RBFOX1: variants seen among roughly 807,000 people sequenced by gnomAD.
The protein encoded by RBFOX1 is RNA binding fox-1 homolog 1, also known as RNA binding protein fox-1 homolog 1.
A neutral mutation model predicts 57.7 loss-of-function variants in RBFOX1; 8 were observed. The ratio of observed to expected loss-of-function variants is 0.14; its 90% CI spans 0.08 to 0.25. The LOEUF (loss-of-function observed/expected upper bound fraction) is 0.25. Among genes scored for constraint, RBFOX1 ranks in the 10% least tolerant of loss-of-function variants. RBFOX1 has a pLI of 1.00. For synonymous variants in RBFOX1, 326 were observed against 222.4 expected, an observed-to-expected ratio of 1.47 and a Z score of -4.15; for missense variants, 611 against 548.5, an observed-to-expected ratio of 1.11 and a Z score of -1.14.
intron 1 of RBFOX1, among the ~76,000 whole-genome samples, chr16:6,139,646 C>T (rs1372535775): frequency 2.0e-5 from 3 of 152,220 alleles, no homozygotes; most frequent in African/African-American, 7.2e-5. Flanking sequence ...CTCCTCTCCT[C>T]TGTGATTGTC....
chr16:7,294,865 T>C (rs1176847842), intron 4 of RBFOX1, among the ~76,000 whole-genome samples: 1 of 152,180 alleles, frequency 6.6e-6, no homozygotes, highest in Non-Finnish European at 1.5e-5. Context: ...AAAAGGATAC[T>C]TTCTCATTTT....
chr16:5,281,385 T>C (rs1245816069), intron 1 of RBFOX1, among the ~76,000 whole-genome samples: 1 of 152,194 alleles, frequency 6.6e-6, no homozygotes, highest in Non-Finnish European at 1.5e-5. Context: ...GTTGATGAGA[T>C]GATAGTGTAT....
chr16:6,114,241 T>C (rs2096475592), intron 1 of RBFOX1, among the ~76,000 whole-genome samples: 1 of 152,242 alleles, frequency 6.6e-6, no homozygotes, highest in South Asian at 2.1e-4. Flanking sequence ...CTTATGCAAT[T>C]AAGAGTGATC....
intron 3 of RBFOX1, among the ~76,000 whole-genome samples, chr16:5,757,263 C>T (rs1285650816): frequency 3.8e-5 from 5 of 133,312 alleles, no homozygotes; most frequent in Non-Finnish European, 7.7e-5. Flanking sequence ...GATGGAGTGT[C>T]ACTCTGTTGC....
chr16:6,141,711 T>A (rs895706319), intron 1 of RBFOX1, among the ~76,000 whole-genome samples: 2 of 152,176 alleles, frequency 1.3e-5, no homozygotes, highest in Non-Finnish European at 2.9e-5. Flanking sequence ...AAGTTTCTTT[T>A]AAAATTAATT....
chr16:6,678,265 C>T (rs1398217068), intron 3 of RBFOX1, among the ~76,000 whole-genome samples: 2 of 152,096 alleles, frequency 1.3e-5, no homozygotes, highest in Non-Finnish European at 2.9e-5. Context: ...GCTGGGACTG[C>T]AGGCGTGTAC....
chr16:5,983,933 T>A (rs1356243135), intron 4 of RBFOX1, among the ~76,000 whole-genome samples: 1 of 124,374 alleles, frequency 8.0e-6, no homozygotes, highest in Admixed American at 8.9e-5. Context: ...CTCCCCCTCC[T>A]CCTCCTCCTC....
At chr16:5,245,272 T>G (rs1422667143) in intron 1 of RBFOX1, among the ~76,000 whole-genome samples, 1 of 152,158 alleles carries the variant, frequency 6.6e-6, no homozygotes, top group Admixed American at 6.5e-5. Context: ...AATGGTCAAG[T>G]CTGATCTCAG....
At chr16:7,258,682 T>C (rs2094796210) in intron 4 of RBFOX1, among the ~76,000 whole-genome samples, 1 of 152,210 alleles carries the variant, frequency 6.6e-6, no homozygotes, top group East Asian at 1.9e-4. Flanking sequence ...TCAAATGAAC[T>C]GCAAAGGTCA....
rs185371488 is a variant in RBFOX1, at chr16:5,270,113, G to T, written c.219+30008G>T. 269 of 253,454 alleles carry T rather than the reference G, an allele frequency of 1.1e-3. 3 individuals are homozygous for T. The highest frequency in any genetic ancestry group is 1.9e-3 in the East Asian group (19 of 9,868). The allele number at this position is 253,454 out of a possible 1,614,324, so 15.7% of individuals were successfully genotyped here. A position where few individuals can be genotyped will look rare whatever the true frequency, so the allele number is the denominator to read the frequency against. On this transcript the variant is annotated intron_variant, in intron 1 of 2. Coordinates refer to the RBFOX1 transcript ENST00000585867. ...AGTTCAAGACCAGCCTGGCCAAAAT[G>T]GTGAAACCCTGTCTCTACCAAAAAT...
In RBFOX1 at chr16:6,767,557, A is replaced by G. The variant is rs987001513; in HGVS notation, c.-16+112907A>G. Among the ~76,000 whole-genome samples the G allele has an allele frequency of 1.6e-4, 24 of 152,170 alleles. 1 individual carries two copies. The highest frequency in any genetic ancestry group is 5.3e-4 in the African/African-American group (22 of 41,444). On this transcript the variant is annotated intron_variant, in intron 3 of 15. Coordinates refer to ENST00000550418, the MANE Select transcript of RBFOX1 (RefSeq NM_018723.4). ...CCCCAAAAAAATTCTGATGAATACA[A>G]TAATGTCAAATATAGCATTTGTGAC...
intron 4 of RBFOX1, among the ~76,000 whole-genome samples, chr16:5,916,446 T>G (rs1181555921): frequency 3.3e-5 from 5 of 152,112 alleles, no homozygotes; most frequent in Admixed American, 2.0e-4. Context: ...GAGAAAAGTC[T>G]TAGGGAAAAG....
At chr16:7,119,182 A>G (rs2066562921) in intron 4 of RBFOX1, among the ~76,000 whole-genome samples, 1 of 152,202 alleles carries the variant, frequency 6.6e-6, no homozygotes, top group African/African-American at 2.4e-5. Flanking sequence ...AACCTACACC[A>G]CAGAAATCCC....
intron 3 of RBFOX1, among the ~76,000 whole-genome samples, chr16:7,029,223 C>CATATATATAT (rs200613599): frequency 3.2e-5 from 3 of 94,996 alleles, no homozygotes; most frequent in Admixed American, 2.0e-4. Context: ...TATATATACA[C>CATATATATAT]ACATATATAT....
chr16:6,437,439 A>G (rs554143127), intron 2 of RBFOX1, among the ~76,000 whole-genome samples: 12 of 152,274 alleles, frequency 7.9e-5, no homozygotes, highest in African/African-American at 2.6e-4. Context: ...TTGCTTGGTC[A>G]GTGTCTTCAG....
chr16:5,957,289 A>G (rs1214294003), intron 4 of RBFOX1, among the ~76,000 whole-genome samples: 2 of 152,248 alleles, frequency 1.3e-5, no homozygotes, highest in South Asian at 4.1e-4. Flanking sequence ...ATCTCAGCTC[A>G]CTGCAACCTC....
At chr16:6,484,261 G>A (rs1360515511) in intron 2 of RBFOX1, among the ~76,000 whole-genome samples, 1 of 152,308 alleles carries the variant, frequency 6.6e-6, no homozygotes, top group East Asian at 1.9e-4. Flanking sequence ...GTGCATTTGC[G>A]AAGTTGGCAT....
chr16:5,628,681 C>G (rs1291718734), intron 3 of RBFOX1, among the ~76,000 whole-genome samples: 2 of 152,290 alleles, frequency 1.3e-5, no homozygotes, highest in African/African-American at 2.4e-5. Context: ...AGAAGCCTTG[C>G]TATTACAGTC....
At chr16:6,761,932 C>G (rs931334475) in intron 3 of RBFOX1, among the ~76,000 whole-genome samples, 2 of 152,108 alleles carry the variant, frequency 1.3e-5, no homozygotes, top group Admixed American at 6.6e-5. Context: ...GACTGATGAT[C>G]ATTTATCTCT....
Sources: allele counts gnomAD v4.1 joint callset (sites outside exome capture counted in the v4.1 genomes callset), GRCh38; gene constraint gnomAD v4.1.1; transcripts MANE v1.5; gene names NCBI Gene and HGNC (gene_info 2026-07-23, HGNC 2026-07-21).